PLEC: variants seen among roughly 807,000 people sequenced by gnomAD.
PLEC encodes hemidesmosomal protein 1.
Under a neutral mutation model 392.8 loss-of-function variants are expected in PLEC, and 216 were observed. The observed-to-expected ratio is 0.55, with a 90% CI of 0.49 to 0.62. The LOEUF is 0.62. PLEC is among the 20% of genes least tolerant of loss of function. The pLI, the probability that PLEC is intolerant of heterozygous loss-of-function variation, is 0.00. For synonymous variants in PLEC, 3,621 were observed against 2,980.6 expected (o/e 1.21, Z -7.00); for missense variants, 6,863 against 6,563.4 (o/e 1.05, Z -1.58).
At chr8:143,952,220 A>ACACGCG (rs782520190), upstream of PLEC, among the ~76,000 whole-genome samples, 4,610 of 139,710 alleles carry the variant, frequency 0.033, 132 homozygotes, top group Middle Eastern at 0.09. Context: ...GCGCGCACAC[A>ACACGCG]CGCACGCGCA....
At position 143,923,427 on chromosome 8, in the gene PLEC, C is replaced by G. The variant is rs964841034; in HGVS notation, c.6502G>C (p.Glu2168Gln). Residue 2168 changes from glutamate (E) to glutamine (Q), a missense_variant, in exon 31 of 32, where the codon GAG (glutamate) becomes CAG (glutamine). By Grantham distance (29) the Glu-to-Gln change is conservative. Transcript: ENST00000345136. ...TGCTCGGCGAATTTCTTATGCTTCTCCATCTCCGCGTCAGCTGCCTGCTTC... is the reference window on the plus strand; with the variant it reads ...TGCTCGGCGAATTTCTTATGCTTCTGCATCTCCGCGTCAGCTGCCTGCTTC... ...RQKQAADAEMEKHKKFAEQTL... is the reference protein window; with the variant it reads ...RQKQAADAEMQKHKKFAEQTL... The G allele has an allele frequency of 1.2e-6, 2 of 1,610,268 alleles. No homozygotes were observed. The highest frequency in any genetic ancestry group is 8.5e-7 in the Non-Finnish European group (1 of 1,179,826).
rs7833924 is a variant in PLEC, at chr8:143,921,861, A to G, written c.7960T>C (p.Ser2654Pro). The change falls in exon 32 of 32, where the codon TCA becomes CCA. Residue 2654 changes from serine (S) to proline (P), a missense_variant. Coordinates refer to ENST00000345136, the MANE Select transcript of PLEC (RefSeq NM_201384.3). ...HSFDGLRRKV[S>P]AQRLQEAGIL... ...CCGGCCTCCTGCAGCCTCTGAGCTG[A>G]CACCTTCCGCCGCAGGCCATCGAAG... 0.43 allele frequency: 691,720 copies of G among 1,602,450 alleles called. 158,379 individuals carry two copies. Among genetic ancestry groups the G allele is most frequent in the African/African-American group, 0.83 (62,483 of 75,038 alleles).
intron 25 of PLEC, 33 bp downstream of exon 25, chr8:143,929,070 C>T (rs1554710101): frequency 3.9e-6 from 6 of 1,548,166 alleles, no homozygotes; most frequent in East Asian, 2.4e-5. Context: ...CCCAGCCGAC[C>T]CCAGCCCCTC....
At chr8:143,953,978 C>T (rs1161646831), upstream of PLEC, 3 of 1,282,534 alleles carry the variant, frequency 2.3e-6, no homozygotes, top group Middle Eastern at 2.9e-4. Context: ...ACCCCTCCCC[C>T]CCAGCCTGTG....
intron 1 of PLEC, 44 bp downstream of exon 1, chr8:143,939,306 G>C (rs1829934173): frequency 6.3e-7 from 1 of 1,585,280 alleles, no homozygotes; most frequent in Non-Finnish European, 8.6e-7. Context: ...CTCCCGCAGG[G>C]GCCCGCCCTG....
chr8:143,932,766 C>A (rs1554718073), intron 14 of PLEC, 27 bp downstream of exon 14: 1 of 1,610,566 alleles, frequency 6.2e-7, no homozygotes, highest in Admixed American at 1.7e-5. Flanking sequence ...CCCACCCCCG[C>A]ACTGCCCATC....
rs782361163 is a variant in PLEC, at chr8:143,933,250, G to A, written c.1365C>T (p.Asp455=). 2.2e-5 allele frequency: 35 copies of A among 1,613,020 alleles called. No individual in the cohort carries two copies. Among genetic ancestry groups the A allele is most frequent in the East Asian group, 1.8e-4 (8 of 44,888 alleles). ...ADSMIRLLFN[D]VQTLKDGRHP... ...GCCGTCCATCCTTGAGGGTCTGCAC[G>A]TCGTTGAAGAGCAGCCGGATCATGC... The change falls in exon 13 of 32, where the codon GAC becomes GAT. Residue 455 remains aspartate, a synonymous_variant. Transcript: ENST00000345136.
rs782436590 is a variant in PLEC at position 143,919,134 on chromosome 8, TCTC to T, written c.10684_10686del (p.Glu3562del). On this transcript the variant is annotated inframe_deletion, in exon 32 of 32. Transcript: ENST00000345136. ...TGTGTCTCTTCAAATGCCCTTCTTGTCTCCTCCTCAGTGTACACCTGCGTGGTC... is the reference window on the plus strand; with the variant it reads ...TGTGTCTCTTCAAATGCCCTTCTTGTCTCCTCAGTGTACACCTGCGTGGTC... 4 of 1,613,116 alleles carry T rather than the reference TCTC, an allele frequency of 2.5e-6. No homozygotes were observed. Among genetic ancestry groups the T allele is most frequent in the East Asian group, 2.2e-5 (1 of 44,864 alleles).
Position 143,924,574 on chromosome 8 carries a change from G to A in PLEC, c.5355C>T (p.Ser1785=). ...EEESRSTSEK[S]KQRLEAEAGR... is the part of the protein sequence containing the mutation. Reference sequence around the variant, plus strand: ...CGGCCTCGGCCTCCAGCCTCTGCTTGGACTTCTCGCTGGTGGAGCGCGACT... The same window carrying A: ...CGGCCTCGGCCTCCAGCCTCTGCTTAGACTTCTCGCTGGTGGAGCGCGACT... Residue 1785 remains serine, a synonymous_variant, in exon 31 of 32, where the codon TCC becomes TCT. Coordinates refer to ENST00000345136, the MANE Select transcript of PLEC (RefSeq NM_201384.3). The A allele has an allele frequency of 1.3e-6, 2 of 1,551,820 alleles. No individual in the cohort carries two copies. The highest frequency in any genetic ancestry group is 1.4e-5 in the African/African-American group (1 of 73,502).
rs1342889835 is a variant in PLEC, at chr8:143,925,528, C to T, written c.4401G>A (p.Gln1467=). The change falls in exon 31 of 32, where the codon CAG becomes CAA. Residue 1467 remains glutamine (Q), a synonymous_variant. Transcript: ENST00000345136. ...GCAGCTCCCCCTCAGCCCCGCCACG[C>T]TGGCGCTCGGTGGCCTCCAACTGCA... ...VRLQLEATER[Q]RGGAEGELQA... is the part of the protein sequence containing the mutation. 2.5e-6 allele frequency: 4 copies of T among 1,595,370 alleles called. No homozygotes were observed. Among genetic ancestry groups the T allele is most frequent in the Non-Finnish European group, 3.4e-6 (4 of 1,178,006 alleles).
chr8:143,933,984 C>T lies in PLEC; in HGVS notation c.1263+14G>A, dbSNP rs575151377. On this transcript the variant is annotated intron_variant, in intron 12 of 31. Coordinates refer to ENST00000345136, the MANE Select transcript of PLEC (RefSeq NM_201384.3). ...GCCTCCCTCCCGCCCACTGCCTGCC[C>T]CACACCCCCTCACCGACTGCAGCAG... is the stretch of plus-strand genomic sequence containing the variant. 1 of 1,598,580 alleles carries T rather than the reference C, an allele frequency of 6.3e-7. No homozygotes were observed. Among genetic ancestry groups the T allele is most frequent in the Non-Finnish European group, 8.5e-7 (1 of 1,176,220 alleles).
Position 143,927,049 on chromosome 8 carries a change from C to T in PLEC, c.3873G>A (p.Ala1291=), listed in dbSNP as rs374669316. ...CCGGGGAGGCCACCGGCTCAAGCTGCGCCTTGTACGTCACCAGCTGGAGTT... is the reference window on the plus strand; with the variant it reads ...CCGGGGAGGCCACCGGCTCAAGCTGTGCCTTGTACGTCACCAGCTGGAGTT... The part of the protein sequence containing the change: ...DYELQLVTYK[A]QLEPVASPAK... The change falls in exon 29 of 32, where the codon GCG becomes GCA. Residue 1291 remains alanine (A), a synonymous_variant. Transcript: ENST00000345136. The T allele has an allele frequency of 1.4e-4, 232 of 1,611,992 alleles. 1 individual carries two copies. The highest frequency in any genetic ancestry group is 1.2e-3 in the South Asian group (106 of 91,082).
upstream of PLEC, among the ~76,000 whole-genome samples, chr8:143,955,846 C>T (rs1832559285): frequency 6.6e-6 from 1 of 152,104 alleles, no homozygotes; most frequent in African/African-American, 2.4e-5. Flanking sequence ...GCAATCCTCC[C>T]ACCTCCCAGT....
At chr8:143,966,271 C>G (rs1204554667) in intron 1 of PLEC, among the ~76,000 whole-genome samples, 1 of 152,228 alleles carries the variant, frequency 6.6e-6, no homozygotes, top group Non-Finnish European at 1.5e-5. Context: ...TCATAGGCAC[C>G]TAAGCTCTGG....
chr8:143,925,289 T>G lies in PLEC; in HGVS notation c.4640A>C (p.Glu1547Ala), dbSNP rs1554701799. 3.8e-6 allele frequency: 6 copies of G among 1,577,486 alleles called. No individual in the cohort carries two copies. Among genetic ancestry groups the G allele is most frequent in the Non-Finnish European group, 3.4e-6 (4 of 1,170,616 alleles). The part of the protein sequence containing the change: ...ALEELRLQAE[E>A]AERRLRQAEV... ...GGCCTGCCGCAGGCGCCGCTCCGCCTCCTCCGCCTGCAGCCGCAGCTCCTC... is the reference window on the plus strand; with the variant it reads ...GGCCTGCCGCAGGCGCCGCTCCGCCGCCTCCGCCTGCAGCCGCAGCTCCTC... Residue 1547 changes from glutamate (E) to alanine (A), a missense_variant, in exon 31 of 32, where the codon GAG (glutamate) becomes GCG (alanine). By Grantham distance (107) the Glu-to-Ala change is moderately radical (BLOSUM62 -1). Coordinates refer to ENST00000345136, the MANE Select transcript of PLEC (RefSeq NM_201384.3).
chr8:143,974,776 C>T (rs1833599162), upstream of PLEC, among the ~76,000 whole-genome samples: 1 of 152,236 alleles, frequency 6.6e-6, no homozygotes. This position sits in a 1 kb window ranked among gnomAD's most constrained non-coding sequence, Gnocchi z 5.9. Flanking sequence ...AGGCCAGATC[C>T]TGGCTCAGGA....
chr8:143,937,676 G>A, intron 3 of PLEC: 3 of 490,166 alleles, frequency 6.1e-6, no homozygotes, highest in Non-Finnish European at 1.2e-5. Flanking sequence ...CGGGCCACCA[G>A]CCCCCAGAAA....
chr8:143,942,229 G>A (rs1830612415), upstream of PLEC, among the ~76,000 whole-genome samples: 1 of 137,912 alleles, frequency 7.3e-6, no homozygotes, highest in African/African-American at 2.6e-5. Context: ...ACATCACCCC[G>A]CCTTCCTCCC....
chr8:143,955,609 TG>T (rs111681021), upstream of PLEC, among the ~76,000 whole-genome samples: 5,054 of 152,096 alleles, frequency 0.033, 274 homozygotes, highest in African/African-American at 0.12. Context: ...TTTTTTGTTT[TG>T]TTTTTTTGAG....
Sources: allele counts gnomAD v4.1 joint callset (sites outside exome capture counted in the v4.1 genomes callset), GRCh38; gene constraint gnomAD v4.1.1; non-coding constraint Gnocchi (gnomAD v3.1); transcripts MANE v1.5; gene names NCBI Gene and HGNC (gene_info 2026-07-23, HGNC 2026-07-21).